The following PKHD1 variants were observed in gnomAD, a reference collection of about 807,000 sequenced individuals.
PKHD1 encodes the protein fibrocystin.
A neutral mutation model predicts 412.0 loss-of-function variants in PKHD1; 291 were observed. That is an observed-to-expected ratio of 0.71 (90% CI 0.64 to 0.78). The LOEUF (loss-of-function observed/expected upper bound fraction) is 0.78. PKHD1 is among the 30% of genes least tolerant of loss of function. The pLI is 0.00. For missense variants in PKHD1, 4,825 were observed against 4,950.7 expected (o/e 0.97, Z 0.76); for synonymous variants, 1,777 against 1,821.5 (o/e 0.98, Z 0.62).
intron 66 of PKHD1, chr6:51,622,749 T>C (rs1766783635): frequency 6.6e-6 from 1 of 152,336 alleles, no homozygotes; most frequent in Non-Finnish European, 1.5e-5. Flanking sequence ...TAGAAATGGA[T>C]ATGTTTTAGT....
chr6:51,748,028 C>G lies in PKHD1; in HGVS notation c.9588G>C (p.Val3196=). Residue 3196 remains valine (V), a synonymous_variant, in exon 58 of 67, where the codon GTG becomes GTC. Coordinates refer to ENST00000371117, the MANE Select transcript of PKHD1 (RefSeq NM_138694.4). ...FSAPQNSVKK[V]QIVLRNSVIV... Reference sequence around the variant, plus strand: ...TGACTGAATTCCTAAGCACAATCTGCACTTTTTTGACGGAATTTTGTGGAG... The same window carrying G: ...TGACTGAATTCCTAAGCACAATCTGGACTTTTTTGACGGAATTTTGTGGAG... The G allele has an allele frequency of 6.2e-7, 1 of 1,614,132 alleles. No individual in the cohort carries two copies. The highest frequency in any genetic ancestry group is 8.5e-7 in the Non-Finnish European group (1 of 1,179,996).
At chr6:52,020,136 G>C (rs1378524213) in intron 33 of PKHD1, among the ~76,000 whole-genome samples, 2 of 152,146 alleles carry the variant, frequency 1.3e-5, no homozygotes, top group African/African-American at 2.4e-5. Flanking sequence ...TGGTAAATGA[G>C]AGAAGTTAAC....
At chr6:51,820,462 G>T (rs10080492) in intron 52 of PKHD1, among the ~76,000 whole-genome samples, 2 of 152,106 alleles carry the variant, frequency 1.3e-5, no homozygotes, top group Admixed American at 6.5e-5. Context: ...TTGAAACTAC[G>T]ATACCTATTA....
intron 63 of PKHD1, among the ~76,000 whole-genome samples, chr6:51,647,184 A>T (rs926988082): frequency 6.6e-6 from 1 of 152,204 alleles, no homozygotes; most frequent in African/African-American, 2.4e-5. Flanking sequence ...ATGATTGAAC[A>T]ATTTCGTAAT....
intron 22 of PKHD1, among the ~76,000 whole-genome samples, chr6:52,049,728 C>T (rs1279712389): frequency 6.6e-6 from 1 of 152,148 alleles, no homozygotes; most frequent in Admixed American, 6.5e-5. Flanking sequence ...CTTCTCTAGA[C>T]ATTTCATTTC....
chr6:51,635,624 T>A (rs1452811372), intron 64 of PKHD1, among the ~76,000 whole-genome samples: 1 of 151,902 alleles, frequency 6.6e-6, no homozygotes, highest in East Asian at 1.9e-4. Context: ...CAGGGAGTGA[T>A]AAGTGCATAA....
chr6:51,681,325 G>C (rs9370042), intron 60 of PKHD1, among the ~76,000 whole-genome samples: 32,569 of 151,874 alleles, frequency 0.21, 4,215 homozygotes, highest in East Asian at 0.43. Flanking sequence ...CAGCTCTTCA[G>C]ACCAGACATT....
At chr6:52,047,262 G>A in intron 23 of PKHD1, among the ~76,000 whole-genome samples, 1 of 152,188 alleles carries the variant, frequency 6.6e-6, no homozygotes, top group Admixed American at 6.5e-5. Context: ...CACGATTGAT[G>A]TTTTTTCCCC....
chr6:51,663,053 ATGAAG>A (rs1315430125), intron 60 of PKHD1, among the ~76,000 whole-genome samples: 2 of 152,060 alleles, frequency 1.3e-5, no homozygotes, highest in African/African-American at 4.8e-5. Flanking sequence ...TGGATCCAGT[ATGAAG>A]GCAAATTAAT....
chr6:51,669,044 G>A (rs1300072204), intron 60 of PKHD1, among the ~76,000 whole-genome samples: 8 of 152,186 alleles, frequency 5.3e-5, no homozygotes, highest in Non-Finnish European at 1.2e-4. Flanking sequence ...TTGGTATCAG[G>A]ATGATGCTGG....
intron 61 of PKHD1, among the ~76,000 whole-genome samples, chr6:51,651,187 T>G (rs2150375749): frequency 6.6e-6 from 1 of 152,286 alleles, no homozygotes; most frequent in South Asian, 2.1e-4. Flanking sequence ...ACATCTCTTG[T>G]TAAATGTAAA....
chr6:51,738,326 G>T (rs1784120765), intron 60 of PKHD1, among the ~76,000 whole-genome samples: 1 of 152,234 alleles, frequency 6.6e-6, no homozygotes, highest in Non-Finnish European at 1.5e-5. Flanking sequence ...GTGGTTAACA[G>T]AGACAGGGGT....
Position 52,025,759 on chromosome 6 carries a change from C to A in PKHD1, c.4051G>T (p.Gly1351Ter). 1 of 1,614,172 alleles carries A rather than the reference C, an allele frequency of 6.2e-7. No homozygotes were observed. Among genetic ancestry groups the A allele is most frequent in the South Asian group, 1.1e-5 (1 of 91,082 alleles). ...AGACTGTGAAGAGGGATGGAGCATCCAGACAGGCTCACGTTGCCCTGGAAG... is the reference window on the plus strand; with the variant it reads ...AGACTGTGAAGAGGGATGGAGCATCAAGACAGGCTCACGTTGCCCTGGAAG... ...QSFQGNVSLSGCSIPLHSLEA... is the reference protein window; with the variant it reads ...QSFQGNVSLS Residue 1351 changes from glycine (G) to a stop codon, truncating the protein, a stop_gained, in exon 32 of 67, where the codon GGA becomes TGA. Transcript: ENST00000371117. LOFTEE classifies it high-confidence loss of function.
At position 51,616,020 on chromosome 6, in the gene PKHD1, C is replaced by T. The variant is rs1210321733; in HGVS notation, c.*3061G>A. 2.6e-5 allele frequency: 4 copies of T among 151,984 alleles called. No homozygotes were observed. The highest frequency in any genetic ancestry group is 2.6e-4 in the Admixed American group (4 of 15,256). 9.4% of individuals were successfully genotyped at this position (151,984 alleles called of 1,614,324 possible). On this transcript the variant is annotated 3_prime_UTR_variant, in exon 67 of 67. Transcript: ENST00000371117. ...AACAACCGTGGCTCCATATATACTT[C>T]TTTCTCAATTTTGAAATCTATAAAT...
In PKHD1 at chr6:51,923,515, A is replaced by G. The variant is rs541769781; in HGVS notation, c.6121+10595T>C. ...TAAAGACAGACACAAATGTGAAAAAAAAGAAAAAAAAAAAACAATAAAAGT... is the reference window on the plus strand; with the variant it reads ...TAAAGACAGACACAAATGTGAAAAAGAAGAAAAAAAAAAAACAATAAAAGT... On this transcript the variant is annotated intron_variant, in intron 37 of 66. Coordinates refer to ENST00000371117, the MANE Select transcript of PKHD1 (RefSeq NM_138694.4). Among the ~76,000 whole-genome samples the G allele has an allele frequency of 2.8e-3, 420 of 150,166 alleles. 2 individuals carry two copies. The highest frequency in any genetic ancestry group is 3.7e-3 in the Non-Finnish European group (244 of 66,784).
intron 49 of PKHD1, among the ~76,000 whole-genome samples, chr6:51,853,177 G>C (rs1051125585): frequency 5.9e-5 from 9 of 152,124 alleles, no homozygotes; most frequent in Non-Finnish European, 1.3e-4. Flanking sequence ...ACTTAGTTTG[G>C]CTGGATATGA....
chr6:52,020,740 G>A (rs1026297656), intron 33 of PKHD1, among the ~76,000 whole-genome samples: 5 of 152,196 alleles, frequency 3.3e-5, no homozygotes, highest in Non-Finnish European at 7.3e-5. Flanking sequence ...ACACTTGTAA[G>A]GGTTGCTGCT....
intron 48 of PKHD1, among the ~76,000 whole-genome samples, chr6:51,857,790 T>C (rs115331637): frequency 2.3e-4 from 35 of 152,322 alleles, no homozygotes; most frequent in African/African-American, 8.4e-4. Flanking sequence ...TCATTGACCC[T>C]GGCAATGTAG....
At chr6:52,059,388 A>G (rs1808335298) in intron 15 of PKHD1, among the ~76,000 whole-genome samples, 1 of 148,490 alleles carries the variant, frequency 6.7e-6, no homozygotes, top group Non-Finnish European at 1.5e-5. Context: ...AGTTGGGACT[A>G]TAGGCATGCG....
Sources: allele counts gnomAD v4.1 joint callset (sites outside exome capture counted in the v4.1 genomes callset), GRCh38; gene constraint gnomAD v4.1.1; transcripts MANE v1.5; gene names NCBI Gene and HGNC (gene_info 2026-07-23, HGNC 2026-07-21).